Variants in ODAD2 observed in about 807,000 individuals in gnomAD.
ODAD2 encodes outer dynein arm-docking complex subunit 2.
ODAD2 carries 89 observed loss-of-function variants against 106.8 expected under a neutral mutation model. The ratio of observed to expected loss-of-function variants is 0.83; its 90% CI spans 0.70 to 0.99. ODAD2 has a LOEUF of 0.99. ODAD2 is among the 50% of genes least tolerant of loss of function. The pLI, the probability that ODAD2 is intolerant of heterozygous loss-of-function variation, is 0.00. For synonymous variants in ODAD2, 404 were observed against 436.2 expected, an observed-to-expected ratio of 0.93 and a Z score of 0.92; for missense variants, 1,168 against 1,238.5, an observed-to-expected ratio of 0.94 and a Z score of 0.85.
At chr10:27,972,213 T>C (rs539340602) in intron 7 of ODAD2, among the ~76,000 whole-genome samples, 31 of 152,266 alleles carry the variant, frequency 2.0e-4, no homozygotes, top group African/African-American at 6.7e-4. Context: ...GAATTTTACT[T>C]AAAGGAGACG....
chr10:27,928,008 C>T (rs1845372060), intron 16 of ODAD2, among the ~76,000 whole-genome samples: 1 of 152,132 alleles, frequency 6.6e-6, no homozygotes, highest in South Asian at 2.1e-4. Flanking sequence ...GTTGACATCA[C>T]CACTTGGGTG....
At chr10:27,827,001 C>G (rs1837095737) in intron 19 of ODAD2, among the ~76,000 whole-genome samples, 1 of 152,118 alleles carries the variant, frequency 6.6e-6, no homozygotes, top group Non-Finnish European at 1.5e-5. Context: ...CAAGGCCATT[C>G]GTAATCGCTT....
At chr10:27,954,758 G>T (rs1273731047) in intron 10 of ODAD2, among the ~76,000 whole-genome samples, 1 of 152,106 alleles carries the variant, frequency 6.6e-6, no homozygotes, top group Non-Finnish European at 1.5e-5. Context: ...TTCCCCTTTG[G>T]GAAAGACGGA....
chr10:27,860,633 C>A lies in ODAD2; in HGVS notation c.3013G>T (p.Ala1005Ser). The change falls in exon 19 of 20, where the codon GCA becomes TCA. Residue 1005 changes from alanine (A) to serine (S), a missense_variant. Physicochemically the swap from Ala to Ser is moderately conservative, Grantham distance 99 (BLOSUM62 1). Around this residue, in one of 3 missense-constraint regions of ODAD2, gnomAD observed 701 missense variants for 712.3 expected, o/e 0.98. Coordinates refer to ENST00000305242, the MANE Select transcript of ODAD2 (RefSeq NM_018076.5). ...DNCITMHENG[A>S]VKLLLDMVGS... ...AAGTCATTCAACTGTACCTTTACTG[C>A]ACCATTCTCATGCATGGTGATGCAG... 1 of 1,613,878 alleles carries A rather than the reference C, an allele frequency of 6.2e-7. No individual in the cohort carries two copies. Among genetic ancestry groups the A allele is most frequent in the East Asian group, 2.2e-5 (1 of 44,860 alleles).
chr10:27,868,934 A>T (rs563503366), intron 17 of ODAD2, among the ~76,000 whole-genome samples: 1 of 152,190 alleles, frequency 6.6e-6, no homozygotes, highest in African/African-American at 2.4e-5. Flanking sequence ...CGATGAAAGC[A>T]CATTAGAAAG....
chr10:27,816,781 C>A (rs1178574797), intron 19 of ODAD2, among the ~76,000 whole-genome samples: 2 of 152,124 alleles, frequency 1.3e-5, no homozygotes, highest in African/African-American at 4.8e-5. Flanking sequence ...ACAAGTCTCG[C>A]TCTTTTGCCC....
intron 17 of ODAD2, among the ~76,000 whole-genome samples, chr10:27,889,654 TCA>T (rs1390014562): frequency 6.6e-6 from 1 of 152,182 alleles, no homozygotes; most frequent in Non-Finnish European, 1.5e-5. Context: ...CATTCTGATC[TCA>T]CAGTTTCACA....
At chr10:27,988,749 T>C (rs1264915598) in intron 2 of ODAD2, among the ~76,000 whole-genome samples, 1 of 151,976 alleles carries the variant, frequency 6.6e-6, no homozygotes, top group Non-Finnish European at 1.5e-5. Flanking sequence ...ACGATCTCAC[T>C]AGAATAAAAA....
At chr10:27,944,137 T>C (rs1846678950) in intron 12 of ODAD2, 85 bp downstream of exon 12, 2 of 1,200,786 alleles carry the variant, frequency 1.7e-6, no homozygotes, top group African/African-American at 3.0e-5. Context: ...CTATGGAATT[T>C]CCAGCGTGGC....
At chr10:27,974,776 G>T (rs1310298500) in intron 7 of ODAD2, among the ~76,000 whole-genome samples, 1 of 150,712 alleles carries the variant, frequency 6.6e-6, no homozygotes, top group Non-Finnish European at 1.5e-5. Context: ...GTTCTGTGAA[G>T]AATGTTTTTG....
chr10:27,944,976 A>G lies in ODAD2; in HGVS notation c.1387-14T>C, dbSNP rs1003339071. The G allele has an allele frequency of 1.9e-6, 3 of 1,613,734 alleles. No individual in the cohort carries two copies. The highest frequency in any genetic ancestry group is 2.5e-6 in the Non-Finnish European group (3 of 1,179,712). On this transcript the variant is annotated splice_polypyrimidine_tract_variant and intron_variant, in intron 10 of 19. Transcript: ENST00000305242. ...TTGATTTCCTCCCTACAAAGATGCA[A>G]TGCCAGAGAAAGGTTAAGGAACACC...
chr10:27,960,263 T>A (rs1848031910), intron 10 of ODAD2, among the ~76,000 whole-genome samples: 3 of 151,010 alleles, frequency 2.0e-5, no homozygotes, highest in South Asian at 4.2e-4. Flanking sequence ...TTGTTTCGTA[T>A]AAGCTCATGT....
At chr10:27,846,267 A>T (rs943427479) in intron 19 of ODAD2, among the ~76,000 whole-genome samples, 6 of 151,932 alleles carry the variant, frequency 3.9e-5, no homozygotes, top group African/African-American at 1.2e-4. Flanking sequence ...GGATTAAGAA[A>T]CTCACTCAAA....
intron 17 of ODAD2, among the ~76,000 whole-genome samples, chr10:27,867,144 C>G (rs1418780288): frequency 6.6e-6 from 1 of 151,974 alleles, no homozygotes; most frequent in Non-Finnish European, 1.5e-5. Context: ...ACAACTGACC[C>G]CAAAGCACAA....
At position 27,870,752 on chromosome 10, in the gene ODAD2, C is replaced by T. The variant is rs573755545; in HGVS notation, c.2611-8130G>A. Among the ~76,000 whole-genome samples, 4 of 152,294 alleles carry T rather than the reference C, an allele frequency of 2.6e-5. No homozygotes were observed. In the South Asian group the frequency reaches 8.3e-4, roughly 32 times the overall value. ...GCCACATTTTCTTAATCCACTCTAT[C>T]ATTGATGGACATTTGGGTTGGTTCC... On this transcript the variant is annotated intron_variant, in intron 17 of 19. Coordinates refer to ENST00000305242, the MANE Select transcript of ODAD2 (RefSeq NM_018076.5).
chr10:27,836,161 GTATA>G (rs1004418370), intron 19 of ODAD2: 1 of 152,104 alleles, frequency 6.6e-6, no homozygotes, highest in Non-Finnish European at 1.5e-5. Flanking sequence ...AGGGTCAACT[GTATA>G]TATATTCAGT....
chr10:27,868,519 A>G (rs1478223586), intron 17 of ODAD2, among the ~76,000 whole-genome samples: 2 of 152,222 alleles, frequency 1.3e-5, no homozygotes, highest in East Asian at 1.9e-4. Flanking sequence ...GAATGAGATC[A>G]TGTTCTTTGC....
intron 10 of ODAD2, among the ~76,000 whole-genome samples, 167 bp downstream of exon 10, chr10:27,961,401 T>C (rs112548143): frequency 6.6e-6 from 1 of 152,274 alleles, no homozygotes; most frequent in African/African-American, 2.4e-5. Flanking sequence ...GAATCTTGCA[T>C]CCTCAGGGTA....
At chr10:27,939,841 C>G in intron 14 of ODAD2, 56 bp downstream of exon 14, 1 of 1,036,044 alleles carries the variant, frequency 9.7e-7, no homozygotes, top group Non-Finnish European at 1.4e-6. Flanking sequence ...GGTTAGAAAA[C>G]TACCTTAAAC....
Sources: gnomAD v4.1 joint callset for allele counts (sites outside exome capture counted in the v4.1 genomes callset) on GRCh38, gnomAD v4.1.1 for gene constraint, gnomAD v4.1.1 regional missense constraint, MANE v1.5 for transcripts, NCBI Gene and HGNC (gene_info 2026-07-23, HGNC 2026-07-21) for gene names.